The following PCDHA3 variants were observed in gnomAD, a reference collection of about 807,000 sequenced individuals.
The protein encoded by PCDHA3 is protocadherin alpha-3.
A neutral mutation model predicts 62.2 loss-of-function variants in PCDHA3; 41 were observed. That is an observed-to-expected ratio of 0.66 (90% CI 0.51 to 0.86). The LOEUF (loss-of-function observed/expected upper bound fraction) is 0.86, where lower values mean the gene tolerates loss of function less well. Ranked by LOEUF, PCDHA3 falls within the 40% of genes least tolerant of loss-of-function variation. The pLI, the probability that PCDHA3 is intolerant of heterozygous loss-of-function variation, is 0.00. For missense variants in PCDHA3, 1,304 were observed against 1,241.2 expected (o/e 1.05, Z -0.76); for synonymous variants, 640 against 555.4 (o/e 1.15, Z -2.14).
intron 1 of PCDHA3, chr5:140,871,461 A>C: frequency 1.2e-6 from 2 of 1,605,278 alleles, no homozygotes; most frequent in South Asian, 2.2e-5. Flanking sequence ...AGGAAGGGGA[A>C]AGACAGGAGC....
At chr5:140,897,188 A>AT (rs1353420094) in intron 1 of PCDHA3, among the ~76,000 whole-genome samples, 5 of 152,104 alleles carry the variant, frequency 3.3e-5, no homozygotes, top group African/African-American at 7.2e-5. Flanking sequence ...CAAAAAATAT[A>AT]TTTTTTTATT....
Position 140,847,575 on chromosome 5 carries a change from A to C in PCDHA3, c.2394+43984A>C, listed in dbSNP as rs187622781. On this transcript the variant is annotated intron_variant, in intron 1 of 3. Coordinates refer to ENST00000522353, the MANE Select transcript of PCDHA3 (RefSeq NM_018906.3). The stretch of plus-strand genomic sequence containing the variant: ...ACAGAAATTGCCCCGAGTACTAAGG[A>C]TGAGCAATAATGAAATTAAAACATA... 1.3e-4 allele frequency: 19 copies of C among 149,686 alleles called. 1 individual carries two copies. In the East Asian group the frequency reaches 3.7e-3, roughly 29 times the overall value. 9.3% of individuals were successfully genotyped at this position (149,686 alleles called of 1,614,324 possible). A position where few individuals can be genotyped will look rare whatever the true frequency, so the allele number is the denominator to read the frequency against.
chr5:141,010,107 C>T lies in PCDHA3; in HGVS notation c.*170C>T, dbSNP rs1457376249. On this transcript the variant is annotated 3_prime_UTR_variant, in exon 4 of 4. Coordinates refer to ENST00000522353, the MANE Select transcript of PCDHA3 (RefSeq NM_018906.3). ...CTAGAACGCATTTAACAGGTTTTGT[C>T]GTAAAAGCTTTACTAAGTCTGGTGT... 8.1e-6 allele frequency: 13 copies of T among 1,611,484 alleles called. No individual in the cohort carries two copies. Among genetic ancestry groups the T allele is most frequent in the South Asian group, 4.4e-5 (4 of 90,776 alleles).
intron 1 of PCDHA3, among the ~76,000 whole-genome samples, chr5:140,977,306 C>T (rs995052680): frequency 6.6e-6 from 1 of 152,150 alleles, no homozygotes; most frequent in African/African-American, 2.4e-5. Context: ...GACAAGCTAA[C>T]GATAGTGCTC....
In PCDHA3 at chr5:140,910,096, C is replaced by G. The variant is rs1583731198; in HGVS notation, c.2395-68853C>G. On this transcript the variant is annotated intron_variant, in intron 1 of 3. Coordinates refer to ENST00000522353, the MANE Select transcript of PCDHA3 (RefSeq NM_018906.3). ...ATTGTTGTCAAGGGGAACCAGCCTCCCCTTCATTTAAGGGATTCTAGGTCT... is the reference window on the plus strand; with the variant it reads ...ATTGTTGTCAAGGGGAACCAGCCTCGCCTTCATTTAAGGGATTCTAGGTCT... Among the ~76,000 whole-genome samples the G allele has an allele frequency of 2.6e-5, 4 of 152,262 alleles. No individual in the cohort carries two copies. The East Asian group carries it at 7.7e-4, about 29-fold the overall frequency.
At chr5:140,805,612 T>G in intron 1 of PCDHA3, 3 of 911,202 alleles carry the variant, frequency 3.3e-6, no homozygotes, top group Non-Finnish European at 3.9e-6. Flanking sequence ...AATTTCTTTA[T>G]GTAAGAAAAT....
intron 1 of PCDHA3, among the ~76,000 whole-genome samples, chr5:140,938,625 T>G (rs2092136082): frequency 6.6e-6 from 1 of 152,220 alleles, no homozygotes; most frequent in African/African-American, 2.4e-5. Flanking sequence ...AAACTCAGGT[T>G]GCTTATGATG....
chr5:140,854,184 T>C, intron 1 of PCDHA3: 1 of 612,228 alleles, frequency 1.6e-6, no homozygotes, highest in Non-Finnish European at 2.0e-6. Context: ...AAAGAGTAGT[T>C]TAACTACTCC....
At chr5:140,930,403 T>A (rs1337428261) in intron 1 of PCDHA3, 6 of 152,200 alleles carry the variant, frequency 3.9e-5, no homozygotes, top group African/African-American at 1.2e-4. Context: ...CTTTTTTTTT[T>A]TTGAGACAGG....
chr5:140,969,401 T>A, intron 1 of PCDHA3: 1 of 1,579,566 alleles, frequency 6.3e-7, no homozygotes, highest in Non-Finnish European at 8.6e-7. Flanking sequence ...ATCCTGTGAT[T>A]TGGCTTTATT....
intron 1 of PCDHA3, chr5:140,828,807 C>T: frequency 1.2e-6 from 2 of 1,614,222 alleles, no homozygotes; most frequent in African/African-American, 1.3e-5. Flanking sequence ...AATGATAATG[C>T]TCCCACTTTC....
intron 3 of PCDHA3, among the ~76,000 whole-genome samples, chr5:140,999,140 G>A (rs1473682487): frequency 6.6e-6 from 1 of 152,164 alleles, no homozygotes; most frequent in African/African-American, 2.4e-5. Context: ...TGTCACAGCC[G>A]GAAGTCTTCA....
chr5:140,967,854 C>T (rs782783470), intron 1 of PCDHA3: 1 of 1,614,154 alleles, frequency 6.2e-7, no homozygotes, highest in South Asian at 1.1e-5. Flanking sequence ...GACAATGCCC[C>T]AGAGGTGGTG....
chr5:140,836,116 G>C, intron 1 of PCDHA3: 3 of 1,613,762 alleles, frequency 1.9e-6, no homozygotes, highest in Non-Finnish European at 2.5e-6. Flanking sequence ...GGCGCAGTGA[G>C]AGAGCTTGTG....
Position 140,851,528 on chromosome 5 carries a change from C to T in PCDHA3, c.2394+47937C>T, listed in dbSNP as rs185754801. ...ATAAAATATGTTTTAAAATGCCTGA[C>T]AATGTAGATAATTCAAGAAATGTTG... On this transcript the variant is annotated intron_variant, in intron 1 of 3. Transcript: ENST00000522353. 15 of 903,994 alleles carry T rather than the reference C, an allele frequency of 1.7e-5. No homozygotes were observed. The East Asian group carries it at 1.6e-3, about 98-fold the overall frequency. The allele number at this position is 903,994 out of a possible 1,614,324, so 56.0% of individuals were successfully genotyped here.
intron 1 of PCDHA3, chr5:140,824,483 G>T (rs906955863): frequency 8.2e-6 from 3 of 366,610 alleles, no homozygotes; most frequent in Non-Finnish European, 1.5e-5. Context: ...TTATTTTTTA[G>T]AGACCCTTTG....
At chr5:140,866,412 A>C (rs1308561363) in intron 1 of PCDHA3, 1 of 152,116 alleles carries the variant, frequency 6.6e-6, no homozygotes, top group Non-Finnish European at 1.5e-5. Context: ...AAAATCTTCA[A>C]ATGTGTGTAG....
chr5:140,829,341 G>A (rs1554131894), intron 1 of PCDHA3: 7 of 1,614,256 alleles, frequency 4.3e-6, no homozygotes, highest in African/African-American at 4.0e-5. Flanking sequence ...GACCGCGAGA[G>A]CGTGTCGGCC....
intron 1 of PCDHA3, chr5:140,807,522 G>A (rs1554124063): frequency 1.9e-6 from 3 of 1,614,126 alleles, no homozygotes; most frequent in Non-Finnish European, 2.5e-6. Flanking sequence ...ATCGTAGACA[G>A]GCCGCTGCAG....
Sources: gnomAD v4.1 joint callset for allele counts (sites outside exome capture counted in the v4.1 genomes callset) on GRCh38, gnomAD v4.1.1 for gene constraint, MANE v1.5 for transcripts, NCBI Gene and HGNC (gene_info 2026-07-23, HGNC 2026-07-21) for gene names.